CELF2: variants seen among roughly 807,000 people sequenced by gnomAD.
CELF2 encodes the protein CUG triplet repeat RNA-binding protein 2.
In CELF2, 8 loss-of-function variants were observed where a neutral mutation model predicts 62.6. That is an observed-to-expected ratio of 0.13 (90% confidence interval 0.07 to 0.23). CELF2 has a LOEUF of 0.23. CELF2 is among the 10% of genes least tolerant of loss of function. The probability of loss-of-function intolerance (pLI) is 1.00; values close to 1 mark genes in which losing one functional copy is unlikely to be tolerated. For synonymous variants in CELF2, 258 were observed against 250.0 expected (o/e 1.03, Z -0.30); for missense variants, 333 against 671.0 (o/e 0.50, Z 5.56).
intron 2 of CELF2, among the ~76,000 whole-genome samples, chr10:11,175,322 T>C (rs1227874923): frequency 6.6e-6 from 1 of 151,790 alleles, no homozygotes; most frequent in African/African-American, 2.4e-5. Context: ...GAGCATTGAG[T>C]CATGAGATTG....
rs776591275 is a variant in CELF2 at position 11,332,445 on chromosome 10, G to T, written c.*3392G>T. On this transcript the variant is annotated 3_prime_UTR_variant, in exon 13 of 13. Transcript: ENST00000633077. ...CCCAGCCTTTTTGGTTTTTTTAATT[G>T]AACACATTTCATCTAAGTAAAGCTC... The T allele has an allele frequency of 1.3e-5, 2 of 152,270 alleles. No homozygotes were observed. Among genetic ancestry groups the T allele is most frequent in the Non-Finnish European group, 2.9e-5 (2 of 67,976 alleles). The allele number at this position is 152,270 out of a possible 1,614,324, so 9.4% of individuals were successfully genotyped here.
intron 10 of CELF2, chr10:11,317,015 T>C (rs1319561497): frequency 6.6e-6 from 1 of 152,236 alleles, no homozygotes; most frequent in African/African-American, 2.4e-5. Context: ...TATGTTAACA[T>C]CTGAACTAAG....
chr10:11,013,848 G>C (rs1171365071), upstream of CELF2, among the ~76,000 whole-genome samples: 1 of 152,180 alleles, frequency 6.6e-6, no homozygotes, highest in Non-Finnish European at 1.5e-5. This position sits in a 1 kb window ranked among gnomAD's most constrained non-coding sequence, Gnocchi z 4.1. Context: ...AGAAGAGATA[G>C]GCTTACAATG....
chr10:11,270,792 G>A lies in CELF2; in HGVS notation c.745G>A (p.Gly249Arg). 6.6e-7 allele frequency: 1 copy of A among 1,512,194 alleles called. No homozygotes were observed. The highest frequency in any genetic ancestry group is 8.9e-7 in the Non-Finnish European group (1 of 1,124,422). 93.7% of individuals were successfully genotyped at this position (1,512,194 alleles called of 1,614,324 possible). A position where few individuals can be genotyped will look rare whatever the true frequency, so the allele number is the denominator to read the frequency against. ...LNTATWGNLT[G>R]LGGLTPQYLA... ...CACTGCCACCTGGGGGAACCTGACAGGGCTGGGCGGACTGACCCCACAGTA... is the reference window on the plus strand; with the variant it reads ...CACTGCCACCTGGGGGAACCTGACAAGGCTGGGCGGACTGACCCCACAGTA... The change falls in exon 7 of 13, where the codon GGG becomes AGG. Residue 249 changes from glycine (G) to arginine (R), a missense_variant. Physicochemically the swap from Gly to Arg is moderately radical, Grantham distance 125. Transcript: ENST00000633077. The surrounding 1 kb of genome is among the most constrained non-coding windows in gnomAD (Gnocchi z 5.8).
At chr10:10,576,310 C>T in the CELF2 span, among the ~76,000 whole-genome samples, 1 of 152,088 alleles carries the variant, frequency 6.6e-6, no homozygotes, top group Non-Finnish European at 1.5e-5. Flanking sequence ...TAAAAGTCTG[C>T]CTAGATTAAT....
chr10:10,666,590 C>T, the CELF2 span, among the ~76,000 whole-genome samples: 1 of 75,914 alleles, frequency 1.3e-5, no homozygotes. Context: ...AGGCCGGGCG[C>T]GGTGGCTCAC....
intron 1 of CELF2, among the ~76,000 whole-genome samples, chr10:10,874,460 G>A (rs551623925): frequency 4.7e-5 from 7 of 150,304 alleles, no homozygotes; most frequent in African/African-American, 1.7e-4. Flanking sequence ...AAAAAACCTT[G>A]ATTATACTAT....
the CELF2 span, among the ~76,000 whole-genome samples, chr10:10,642,409 G>C: frequency 1.9e-4 from 29 of 152,294 alleles, 1 homozygote; most frequent in East Asian, 4.4e-3. Context: ...GTGTGGCATG[G>C]TTGCCTGCAT....
chr10:10,840,154 A>C (rs1343109818), intron 1 of CELF2, among the ~76,000 whole-genome samples: 1 of 152,216 alleles, frequency 6.6e-6, no homozygotes. Context: ...ATTATGAATA[A>C]ATCTGCTGTA....
At chr10:10,504,568 C>G in the CELF2 span, among the ~76,000 whole-genome samples, 5 of 152,068 alleles carry the variant, frequency 3.3e-5, no homozygotes, top group African/African-American at 1.2e-4. Context: ...GTTTATGTCT[C>G]TTAATAGATT....
At chr10:11,202,310 TA>T in intron 2 of CELF2, among the ~76,000 whole-genome samples, 1 of 152,200 alleles carries the variant, frequency 6.6e-6, no homozygotes, top group Non-Finnish European at 1.5e-5. Context: ...ATGAAAAGCT[TA>T]TAAATATATT....
chr10:10,988,632 C>A (rs540643321), intron 2 of CELF2, among the ~76,000 whole-genome samples: 2 of 151,956 alleles, frequency 1.3e-5, no homozygotes, highest in Admixed American at 6.6e-5. Context: ...TCCAAGTAAC[C>A]AAAAACCATC....
chr10:10,793,287 AT>A, the CELF2 span, among the ~76,000 whole-genome samples: 1 of 152,204 alleles, frequency 6.6e-6, no homozygotes, highest in Non-Finnish European at 1.5e-5. Context: ...TTAAAGTTAC[AT>A]TCATTTATCT....
chr10:10,996,543 T>C (rs747965271), intron 2 of CELF2, among the ~76,000 whole-genome samples: 1 of 152,220 alleles, frequency 6.6e-6, no homozygotes, highest in South Asian at 2.1e-4. Flanking sequence ...TCCTGCCTCT[T>C]ATTTGTACTG....
At chr10:10,599,674 T>A in the CELF2 span, among the ~76,000 whole-genome samples, 1 of 152,046 alleles carries the variant, frequency 6.6e-6, no homozygotes, top group Admixed American at 6.5e-5. Flanking sequence ...GACGTGTTTT[T>A]AATTTTTTTC....
At position 11,318,418 on chromosome 10, in the gene CELF2, G is replaced by A. The variant is rs1224856392; in HGVS notation, c.1097-2771G>A. ...TGAGCATCTGCATCCCTTGCTCATG[G>A]TACCGCCTCTGCCACCTCCCCAGGG... is the stretch of plus-strand genomic sequence containing the variant. On this transcript the variant is annotated intron_variant, in intron 10 of 12. Coordinates refer to ENST00000633077, the MANE Select transcript of CELF2 (RefSeq NM_001326342.2). This position sits in a 1 kb window ranked among gnomAD's most constrained non-coding sequence, Gnocchi z 5.4. The A allele has an allele frequency of 6.9e-6, 2 of 291,930 alleles. No individual in the cohort carries two copies. Among genetic ancestry groups the A allele is most frequent in the Non-Finnish European group, 1.3e-5 (2 of 149,704 alleles). 18.1% of individuals were successfully genotyped at this position (291,930 alleles called of 1,614,324 possible).
intron 1 of CELF2, among the ~76,000 whole-genome samples, chr10:10,862,654 A>G (rs993399395): frequency 6.6e-6 from 1 of 152,218 alleles, no homozygotes; most frequent in Non-Finnish European, 1.5e-5. Context: ...AGGAGGGCAC[A>G]TGGGCCCTGC....
Position 11,270,697 on chromosome 10 carries a change from C to A in CELF2, c.650C>A (p.Ala217Asp). 6.5e-7 allele frequency: 1 copy of A among 1,541,388 alleles called. No individual in the cohort carries two copies. Among genetic ancestry groups the A allele is most frequent in the Admixed American group, 1.9e-5 (1 of 52,210 alleles). The change falls in exon 7 of 13, where the codon GCT (alanine) becomes GAT (aspartate). Residue 217 changes from alanine to aspartate, a missense_variant. Transcript: ENST00000633077. The surrounding 1 kb of genome is among the most constrained non-coding windows in gnomAD (Gnocchi z 5.8). ...TCTTCACCTATCGTGGTGAAGTTTGCTGACACTCAGAAGGACAAAGAGCAA... is the reference window on the plus strand; with the variant it reads ...TCTTCACCTATCGTGGTGAAGTTTGATGACACTCAGAAGGACAAAGAGCAA... ...GCSSPIVVKF[A>D]DTQKDKEQRR...
intron 1 of CELF2, among the ~76,000 whole-genome samples, chr10:11,081,058 G>GA (rs1452543370): frequency 1.4e-5 from 2 of 139,808 alleles, no homozygotes; most frequent in Non-Finnish European, 3.2e-5. Context: ...ATCAAACTTA[G>GA]AAAAAATTAT....
Sources: allele counts gnomAD v4.1 joint callset (sites outside exome capture counted in the v4.1 genomes callset), GRCh38; gene constraint gnomAD v4.1.1; non-coding constraint Gnocchi (gnomAD v3.1); transcripts MANE v1.5; gene names NCBI Gene and HGNC (gene_info 2026-07-23, HGNC 2026-07-21).